Variants in MGST3 observed in about 807,000 individuals in gnomAD.
MGST3 encodes the protein glutathione S-transferase 3, mitochondrial.
Under a neutral mutation model 15.8 loss-of-function variants are expected in MGST3, and 13 were observed. The ratio of observed to expected loss-of-function variants is 0.82; its 90% confidence interval spans 0.54 to 1.31. The LOEUF (loss-of-function observed/expected upper bound fraction) is 1.31, where lower values mean the gene tolerates loss of function less well. Ranked by LOEUF, MGST3 falls within the 50% of genes most tolerant of loss-of-function variation. MGST3 has a pLI of 0.00. For synonymous variants in MGST3, 49 were observed against 68.1 expected, an observed-to-expected ratio of 0.72 and a Z score of 1.38; for missense variants, 155 against 192.4, an observed-to-expected ratio of 0.81 and a Z score of 1.15.
Position 165,654,292 on chromosome 1 carries a change from G to T in MGST3, c.263G>T (p.Gly88Val). ...CTTTTTTCTTAGCGTATAGCTTCTGGCCTGGGCTTGGCCTGGATTGTTGGA... is the reference window on the plus strand; with the variant it reads ...CTTTTTTCTTAGCGTATAGCTTCTGTCCTGGGCTTGGCCTGGATTGTTGGA... The part of the protein sequence containing the change: ...GGVYHPRIAS[G>V]LGLAWIVGRV... Residue 88 changes from glycine to valine, a missense_variant, in exon 5 of 6, where the codon GGC becomes GTC. Gly to Val is a moderately radical substitution (Grantham distance 109). Coordinates refer to ENST00000367889, the MANE Select transcript of MGST3 (RefSeq NM_004528.4). The T allele has an allele frequency of 1.2e-6, 2 of 1,614,084 alleles. No individual in the cohort carries two copies. Among genetic ancestry groups the T allele is most frequent in the Non-Finnish European group, 1.7e-6 (2 of 1,180,000 alleles).
chr1:165,651,122 T>A (rs763820988), intron 3 of MGST3, 35 bp downstream of exon 3: 15 of 1,588,752 alleles, frequency 9.4e-6, no homozygotes, highest in Non-Finnish European at 1.3e-5. Flanking sequence ...CAAAGACATC[T>A]GCAGAGTGGG....
At chr1:165,648,486 C>T (rs1035047467) in intron 1 of MGST3, 2 of 152,190 alleles carry the variant, frequency 1.3e-5, no homozygotes, top group Non-Finnish European at 2.9e-5. Context: ...GGCAAAACCT[C>T]GTTTCTACTA....
At chr1:165,638,407 GC>G (rs1271611831) in intron 1 of MGST3, among the ~76,000 whole-genome samples, 1 of 152,094 alleles carries the variant, frequency 6.6e-6, no homozygotes, top group Non-Finnish European at 1.5e-5. Flanking sequence ...CAGAGGTCAA[GC>G]CTGCAGTGAG....
intron 5 of MGST3, among the ~76,000 whole-genome samples, chr1:165,654,871 G>A (rs1195088287): frequency 6.6e-6 from 1 of 152,150 alleles, no homozygotes; most frequent in Non-Finnish European, 1.5e-5. Flanking sequence ...CTTTGCATAT[G>A]TTATTTAACC....
rs9333384 is a variant in MGST3, at chr1:165,633,615, T to G, written c.-8+2322T>G. On this transcript the variant is annotated intron_variant, in intron 1 of 5. Coordinates refer to ENST00000367889, the MANE Select transcript of MGST3 (RefSeq NM_004528.4). ...GGCATGAAAAGGTCGAACCCCTGTT[T>G]CAGGCAAAAGCCAGCAGCCTAGGTG... 2.3e-3 allele frequency among the ~76,000 whole-genome samples: 343 copies of G among 152,320 alleles called. 3 individuals carry two copies. Among genetic ancestry groups the G allele is most frequent in the African/African-American group, 7.9e-3 (328 of 41,560 alleles).
chr1:165,636,959 A>G (rs918817914), intron 1 of MGST3: 1 of 152,206 alleles, frequency 6.6e-6, no homozygotes, highest in African/African-American at 2.4e-5. Flanking sequence ...GCACCACCTC[A>G]GAGTGTTCTA....
At chr1:165,643,960 A>G (rs148416259) in intron 1 of MGST3, among the ~76,000 whole-genome samples, 1,706 of 151,774 alleles carry the variant, frequency 0.011, 30 homozygotes, top group African/African-American at 0.04. Flanking sequence ...TGGGAGGCTG[A>G]GTTGGGAGGA....
chr1:165,652,269 A>G (rs1489605387), intron 4 of MGST3, among the ~76,000 whole-genome samples: 3 of 152,258 alleles, frequency 2.0e-5, no homozygotes, highest in Non-Finnish European at 4.4e-5. Flanking sequence ...ACAAGGTCAA[A>G]TAGCTACAGA....
At chr1:165,648,241 GC>G (rs1648460414) in intron 1 of MGST3, among the ~76,000 whole-genome samples, 1 of 152,184 alleles carries the variant, frequency 6.6e-6, no homozygotes. Flanking sequence ...TGCAGTGTGT[GC>G]CCCCCAGCCC....
chr1:165,651,827 G>A (rs1156506672), intron 3 of MGST3, 151 bp from the exon 4 acceptor site: 19 of 587,924 alleles, frequency 3.2e-5, no homozygotes, highest in Non-Finnish European at 5.4e-5. Flanking sequence ...CCCGGGAGGC[G>A]GAGGTTGCAG....
At chr1:165,651,588 C>T (rs950110569) in intron 3 of MGST3, 1 of 297,522 alleles carries the variant, frequency 3.4e-6, no homozygotes, top group African/African-American at 2.2e-5. Flanking sequence ...AAGCTTCTAA[C>T]TTGGCAAGGA....
chr1:165,656,122 TAA>T lies in MGST3; in HGVS notation c.*619_*620del, dbSNP rs1648700963. 1 of 152,760 alleles carries T rather than the reference TAA, an allele frequency of 6.5e-6. No individual in the cohort carries two copies. The highest frequency in any genetic ancestry group is 2.4e-5 in the African/African-American group (1 of 41,434). 9.5% of individuals were successfully genotyped at this position (152,760 alleles called of 1,614,324 possible). A position where few individuals can be genotyped will look rare whatever the true frequency, so the allele number is the denominator to read the frequency against. On this transcript the variant is annotated 3_prime_UTR_variant, in exon 6 of 6. Coordinates refer to ENST00000367889, the MANE Select transcript of MGST3 (RefSeq NM_004528.4). ...GACCCTGTCTCAAATAAATAAAAATTAAGTTTCTATTAAAGATTGTTTCTGTT... is the reference window on the plus strand; with the variant it reads ...GACCCTGTCTCAAATAAATAAAAATTGTTTCTATTAAAGATTGTTTCTGTT...
At chr1:165,651,171 T>A in intron 3 of MGST3, 84 bp downstream of exon 3, 1 of 1,142,558 alleles carries the variant, frequency 8.8e-7, no homozygotes, top group Non-Finnish European at 1.3e-6. Context: ...GTGCGCTGTA[T>A]TTGCTGAGTC....
At chr1:165,643,916 G>A (rs1356461661) in intron 1 of MGST3, among the ~76,000 whole-genome samples, 5 of 151,676 alleles carry the variant, frequency 3.3e-5, no homozygotes, top group Non-Finnish European at 1.5e-5. Context: ...AAATTAGCTG[G>A]GCATGTCAAT....
intron 1 of MGST3, chr1:165,649,217 G>C (rs985349922): frequency 6.5e-6 from 1 of 154,750 alleles, no homozygotes; most frequent in Non-Finnish European, 1.4e-5. Context: ...ACCCGCACGT[G>C]CCCCAGGATC....
chr1:165,641,075 CG>C (rs1273024332), intron 1 of MGST3, among the ~76,000 whole-genome samples: 3 of 152,178 alleles, frequency 2.0e-5, no homozygotes, highest in East Asian at 3.9e-4. Context: ...CCCTGCTACT[CG>C]GGAGGCTGAG....
In MGST3 at chr1:165,638,045, C is replaced by A. The variant is rs373625895; in HGVS notation, c.-8+6752C>A. ...CCCGGGGCTTTTCTGCTACCCCCCA[C>A]GTCCTATACCCTGCTTGCTTCAAAA... On this transcript the variant is annotated intron_variant, in intron 1 of 5. Coordinates refer to ENST00000367889, the MANE Select transcript of MGST3 (RefSeq NM_004528.4). Among the ~76,000 whole-genome samples the A allele has an allele frequency of 1.1e-4, 17 of 152,292 alleles. No homozygotes were observed. In the South Asian group the frequency reaches 3.5e-3, roughly 32 times the overall value.
chr1:165,655,337 C>CT (rs2101726732), intron 5 of MGST3, 31 bp from the exon 6 acceptor site: 1 of 1,613,530 alleles, frequency 6.2e-7, no homozygotes, highest in South Asian at 1.1e-5. Flanking sequence ...TGGAGCACTC[C>CT]TGGTAACTTC....
At chr1:165,632,267 C>T (rs1557989211) in intron 1 of MGST3, 1 of 1,612,696 alleles carries the variant, frequency 6.2e-7, no homozygotes, top group Admixed American at 1.7e-5. Context: ...GCGCTTCCGG[C>T]TCTGCAGGTA....
Sources: allele counts gnomAD v4.1 joint callset (sites outside exome capture counted in the v4.1 genomes callset), GRCh38; gene constraint gnomAD v4.1.1; transcripts MANE v1.5; gene names NCBI Gene and HGNC (gene_info 2026-07-23, HGNC 2026-07-21).